CEP83: variants seen among roughly 807,000 people sequenced by gnomAD.
The protein encoded by CEP83 is centrosomal protein 83.
Under a neutral mutation model 101.9 loss-of-function variants are expected in CEP83, and 70 were observed. That is an observed-to-expected ratio of 0.69 (90% confidence interval 0.57 to 0.84). The LOEUF is 0.84. CEP83 is among the 40% of genes least tolerant of loss of function. CEP83 has a pLI of 0.00. For missense variants in CEP83, 715 were observed against 787.2 expected (o/e 0.91, Z 1.10); for synonymous variants, 264 against 267.9 (o/e 0.99, Z 0.14).
At chr12:94,431,501 GA>G (rs1237180167) in intron 2 of CEP83, among the ~76,000 whole-genome samples, 1 of 150,414 alleles carries the variant, frequency 6.6e-6, no homozygotes, top group African/African-American at 2.4e-5. Context: ...ACAGAGTGAA[GA>G]AAAAACCCAC....
intron 11 of CEP83, among the ~76,000 whole-genome samples, chr12:94,349,226 A>G (rs558391116): frequency 1.1e-3 from 159 of 150,508 alleles, no homozygotes; most frequent in African/African-American, 3.8e-3. Flanking sequence ...TGGAACTTGC[A>G]GTGAGCCAAG....
At chr12:94,279,133 A>AC in the CEP83 span, among the ~76,000 whole-genome samples, 38 of 152,208 alleles carry the variant, frequency 2.5e-4, no homozygotes, top group South Asian at 7.9e-3. Context: ...CTACTGTGGA[A>AC]CCCTTCCAAT....
intron 6 of CEP83, among the ~76,000 whole-genome samples, chr12:94,385,222 T>C (rs1455598013): frequency 6.6e-6 from 1 of 152,150 alleles, no homozygotes; most frequent in Non-Finnish European, 1.5e-5. Flanking sequence ...CCTCCCTGGA[T>C]GGGAAGCGTA....
chr12:94,277,816 C>CGTGCT, the CEP83 span: 1 of 387,682 alleles, frequency 2.6e-6, no homozygotes, highest in East Asian at 7.3e-5. Context: ...AGCCTGGCCC[C>CGTGCT]GTGCTAAGCC....
At chr12:94,275,933 T>C in the CEP83 span, among the ~76,000 whole-genome samples, 1 of 149,888 alleles carries the variant, frequency 6.7e-6, no homozygotes, top group Non-Finnish European at 1.5e-5. Flanking sequence ...TGAACACATA[T>C]CAATTTATGT....
chr12:94,344,548 T>G (rs1325980185), intron 11 of CEP83, among the ~76,000 whole-genome samples: 1 of 152,090 alleles, frequency 6.6e-6, no homozygotes, highest in Non-Finnish European at 1.5e-5. Flanking sequence ...TAAACTATAT[T>G]TCTATATGCA....
intron 12 of CEP83, among the ~76,000 whole-genome samples, chr12:94,334,870 C>G (rs1485571798): frequency 6.6e-6 from 1 of 152,132 alleles, no homozygotes; most frequent in Non-Finnish European, 1.5e-5. Context: ...CTTAATACCT[C>G]TCCATATGCA....
intron 1 of CEP83, among the ~76,000 whole-genome samples, chr12:94,450,550 C>T (rs138266444): frequency 2.6e-5 from 4 of 152,256 alleles, no homozygotes; most frequent in Admixed American, 6.5e-5. Context: ...CAAGCCTGGA[C>T]GATTGCATTT....
intron 14 of CEP83, among the ~76,000 whole-genome samples, chr12:94,315,342 A>G (rs1164868058): frequency 6.6e-6 from 1 of 152,072 alleles, no homozygotes; most frequent in African/African-American, 2.4e-5. Context: ...AAAGGTATTG[A>G]GCATCTTTTT....
intron 6 of CEP83, among the ~76,000 whole-genome samples, chr12:94,399,992 A>C (rs2063157545): frequency 1.3e-5 from 2 of 152,212 alleles, no homozygotes; most frequent in Admixed American, 6.5e-5. Flanking sequence ...TCCAAATAGA[A>C]CAGTTTTAGT....
intron 6 of CEP83, among the ~76,000 whole-genome samples, chr12:94,390,096 A>G (rs2062424731): frequency 6.6e-6 from 1 of 152,252 alleles, no homozygotes; most frequent in Non-Finnish European, 1.5e-5. Context: ...CCTGTCTGAC[A>G]GCTCTGAAGA....
chr12:94,445,180 A>G (rs1353252242), intron 1 of CEP83, among the ~76,000 whole-genome samples: 1 of 152,180 alleles, frequency 6.6e-6, no homozygotes, highest in African/African-American at 2.4e-5. Flanking sequence ...TCAAATAGAA[A>G]CAGTCAATTG....
At chr12:94,270,287 G>A in the CEP83 span, among the ~76,000 whole-genome samples, 3 of 152,182 alleles carry the variant, frequency 2.0e-5, no homozygotes, top group Non-Finnish European at 1.5e-5. Context: ...AGTTCTATTG[G>A]AACACCTGTT....
chr12:94,291,094 G>A, the CEP83 span, among the ~76,000 whole-genome samples: 1 of 152,232 alleles, frequency 6.6e-6, no homozygotes, highest in South Asian at 2.1e-4. Flanking sequence ...GGGCACTGTA[G>A]GGCCACTTGA....
At chr12:94,290,474 T>C in the CEP83 span, among the ~76,000 whole-genome samples, 5 of 152,264 alleles carry the variant, frequency 3.3e-5, no homozygotes, top group South Asian at 1.0e-3. Context: ...TGGAGTCACT[T>C]TGCAGAGGCC....
At chr12:94,286,939 A>G in the CEP83 span, among the ~76,000 whole-genome samples, 2 of 152,172 alleles carry the variant, frequency 1.3e-5, no homozygotes, top group East Asian at 1.9e-4. Context: ...CATGGACTAG[A>G]TGCAGCCCCC....
chr12:94,412,097 C>T (rs2063919492), intron 3 of CEP83, among the ~76,000 whole-genome samples: 1 of 152,068 alleles, frequency 6.6e-6, no homozygotes, highest in African/African-American at 2.4e-5. Flanking sequence ...ATACGTCCTG[C>T]TACTTTCAAA....
At chr12:94,286,616 CAAAAAAA>C in the CEP83 span, among the ~76,000 whole-genome samples, 150 of 101,404 alleles carry the variant, frequency 1.5e-3, no homozygotes, top group Middle Eastern at 6.1e-3. Flanking sequence ...TGCTTAAAAG[CAAAAAAA>C]AAAAAAAAAA....
chr12:94,384,756 G>A (rs995626603), intron 6 of CEP83, among the ~76,000 whole-genome samples: 11 of 152,022 alleles, frequency 7.2e-5, no homozygotes, highest in African/African-American at 2.2e-4. Context: ...TTTATTCTCT[G>A]TTTCTTTGCT....
Sources: allele counts gnomAD v4.1 joint callset (sites outside exome capture counted in the v4.1 genomes callset), GRCh38; gene constraint gnomAD v4.1.1; transcripts MANE v1.5; gene names NCBI Gene and HGNC (gene_info 2026-07-23, HGNC 2026-07-21).